NALF1: variants seen among roughly 807,000 people sequenced by gnomAD.
NALF1 encodes the protein NALCN channel auxiliary factor 1, also known as family with sequence similarity 155 member A.
In NALF1, 3 loss-of-function variants were observed where a neutral mutation model predicts 48.4. That is an observed-to-expected ratio of 0.06 (90% CI 0.03 to 0.16). The LOEUF (loss-of-function observed/expected upper bound fraction) is 0.16, where lower values mean the gene tolerates loss of function less well. Among genes scored for constraint, NALF1 ranks in the 10% least tolerant of loss-of-function variants. The probability of loss-of-function intolerance (pLI) is 1.00; values close to 1 mark genes in which losing one functional copy is unlikely to be tolerated. For synonymous variants in NALF1, 262 were observed against 245.7 expected (o/e 1.07, Z -0.62); for missense variants, 526 against 571.5 (o/e 0.92, Z 0.81).
chr13:107,852,660 A>G (rs1182220565), intron 1 of NALF1, among the ~76,000 whole-genome samples: 1 of 152,228 alleles, frequency 6.6e-6, no homozygotes, highest in Non-Finnish European at 1.5e-5. Context: ...TTCCACAAGC[A>G]TGGGCAACCG....
intron 1 of NALF1, among the ~76,000 whole-genome samples, chr13:107,304,341 A>T (rs1007044541): frequency 1.3e-5 from 2 of 152,236 alleles, no homozygotes; most frequent in South Asian, 2.1e-4. Context: ...GCAGTCATCA[A>T]CAAATAAACG....
intron 1 of NALF1, among the ~76,000 whole-genome samples, chr13:107,402,563 C>T (rs1272012697): frequency 1.3e-5 from 2 of 152,146 alleles, no homozygotes; most frequent in African/African-American, 4.8e-5. Context: ...TTTCATTATT[C>T]ACTGGTTTTC....
At chr13:107,563,483 C>T (rs1466012377) in intron 1 of NALF1, among the ~76,000 whole-genome samples, 1 of 152,170 alleles carries the variant, frequency 6.6e-6, no homozygotes, top group Non-Finnish European at 1.5e-5. Context: ...GATTTGAGTG[C>T]AAAATCCTAT....
chr13:107,716,416 CAA>C (rs1197791468), intron 1 of NALF1, among the ~76,000 whole-genome samples: 1 of 152,156 alleles, frequency 6.6e-6, no homozygotes, highest in Non-Finnish European at 1.5e-5. Flanking sequence ...ATGCCGAATA[CAA>C]GAGAGAGGAC....
chr13:107,844,239 A>ATAT (rs1880113909), intron 1 of NALF1, among the ~76,000 whole-genome samples: 1 of 151,662 alleles, frequency 6.6e-6, no homozygotes, highest in Admixed American at 6.6e-5. Flanking sequence ...AATAAAATAC[A>ATAT]GATAAGAAAA....
intron 1 of NALF1, among the ~76,000 whole-genome samples, chr13:107,552,478 G>C (rs1012163843): frequency 6.6e-6 from 1 of 152,166 alleles, no homozygotes; most frequent in Non-Finnish European, 1.5e-5. Flanking sequence ...AGGGGAGAAT[G>C]TGGTGATTTT....
At chr13:107,403,019 G>T (rs182271353) in intron 1 of NALF1, among the ~76,000 whole-genome samples, 2 of 151,868 alleles carry the variant, frequency 1.3e-5, no homozygotes, top group Non-Finnish European at 1.5e-5. Context: ...TGTCCTACTG[G>T]AAGTTAGAGC....
intron 1 of NALF1, among the ~76,000 whole-genome samples, chr13:107,680,948 A>T (rs77849349): frequency 0.036 from 4,673 of 129,964 alleles, 255 homozygotes; most frequent in African/African-American, 0.12. Flanking sequence ...TGAGTGTAAC[A>T]GTGTGTGTGT....
intron 1 of NALF1, among the ~76,000 whole-genome samples, chr13:107,806,828 T>C: frequency 6.6e-6 from 1 of 152,186 alleles, no homozygotes; most frequent in East Asian, 1.9e-4. Context: ...AATAAATCAA[T>C]AACATATACT....
At chr13:107,414,208 A>ATCTC (rs1884045057) in intron 1 of NALF1, among the ~76,000 whole-genome samples, 1 of 139,540 alleles carries the variant, frequency 7.2e-6, no homozygotes, top group Non-Finnish European at 1.6e-5. Context: ...TGAAAAACAT[A>ATCTC]TATATATAGA....
chr13:107,805,508 A>T (rs1207247510), intron 1 of NALF1, among the ~76,000 whole-genome samples: 1 of 152,016 alleles, frequency 6.6e-6, no homozygotes, highest in African/African-American at 2.4e-5. Flanking sequence ...CTCTCCCAGG[A>T]GCTCTTTTGT....
chr13:107,446,012 C>T (rs973035138), intron 1 of NALF1, among the ~76,000 whole-genome samples: 7 of 151,974 alleles, frequency 4.6e-5, no homozygotes, highest in Middle Eastern at 3.2e-3. Flanking sequence ...AATCTTAGTG[C>T]GCTGCAACCT....
At chr13:107,206,112 C>A (rs990829149) in intron 2 of NALF1, among the ~76,000 whole-genome samples, 55 of 152,152 alleles carry the variant, frequency 3.6e-4, no homozygotes, top group African/African-American at 1.3e-3. Flanking sequence ...TAATGCCTAA[C>A]ATTAAATGAC....
At chr13:107,263,649 C>A (rs1179603395) in intron 1 of NALF1, among the ~76,000 whole-genome samples, 1 of 152,144 alleles carries the variant, frequency 6.6e-6, no homozygotes, top group Non-Finnish European at 1.5e-5. Context: ...TCTTTGCCCG[C>A]CACCGTGTAA....
rs567809963 is a variant in NALF1, at chr13:107,310,270, C to T, written c.916-99515G>A. On this transcript the variant is annotated intron_variant, in intron 1 of 2. Coordinates refer to ENST00000375915, the MANE Select transcript of NALF1 (RefSeq NM_001080396.3). ...ACTAAAAATACAAAAATTAGCCGGGCGTGGTGGCGGGCACTTGTAATCCTA... is the reference window on the plus strand; with the variant it reads ...ACTAAAAATACAAAAATTAGCCGGGTGTGGTGGCGGGCACTTGTAATCCTA... Among the ~76,000 whole-genome samples the T allele has an allele frequency of 4.6e-5, 7 of 151,888 alleles. No homozygotes were observed. The East Asian group carries it at 5.9e-4, about 13-fold the overall frequency.
chr13:107,665,876 G>A (rs1412382298), intron 1 of NALF1, among the ~76,000 whole-genome samples: 2 of 152,138 alleles, frequency 1.3e-5, no homozygotes, highest in Non-Finnish European at 1.5e-5. Context: ...GATGATGCCA[G>A]CCATTTAGTC....
chr13:107,554,558 G>A (rs111600180), intron 1 of NALF1, among the ~76,000 whole-genome samples: 1 of 152,138 alleles, frequency 6.6e-6, no homozygotes, highest in Non-Finnish European at 1.5e-5. Context: ...CTTATCAGAG[G>A]CCCAGAGAGG....
chr13:107,659,283 C>T (rs1365963859), intron 1 of NALF1, among the ~76,000 whole-genome samples: 3 of 152,150 alleles, frequency 2.0e-5, no homozygotes, highest in Non-Finnish European at 4.4e-5. Flanking sequence ...ATACTTCTTG[C>T]TTATAATTTG....
chr13:107,492,665 T>A (rs190400865), intron 1 of NALF1, among the ~76,000 whole-genome samples: 101 of 152,262 alleles, frequency 6.6e-4, no homozygotes, highest in Admixed American at 1.1e-3. Flanking sequence ...TCTATCAGTT[T>A]TGCACTGTCT....
Sources: allele counts gnomAD v4.1 joint callset (sites outside exome capture counted in the v4.1 genomes callset), GRCh38; gene constraint gnomAD v4.1.1; transcripts MANE v1.5; gene names NCBI Gene and HGNC (gene_info 2026-07-23, HGNC 2026-07-21).